RUFY2: variants seen among roughly 807,000 people sequenced by gnomAD.
RUFY2 encodes the protein RUN and FYVE domain-containing protein 2.
RUFY2 carries 49 observed loss-of-function variants against 94.4 expected under a neutral mutation model. The ratio of observed to expected loss-of-function variants is 0.52; its 90% CI spans 0.41 to 0.66. The LOEUF is 0.66. Ranked by LOEUF, RUFY2 falls within the 30% of genes least tolerant of loss-of-function variation. RUFY2 has a pLI of 0.00. For missense variants in RUFY2, 541 were observed against 692.8 expected, an observed-to-expected ratio of 0.78 and a Z score of 2.46; for synonymous variants, 255 against 235.7, an observed-to-expected ratio of 1.08 and a Z score of -0.75.
At chr10:68,402,526 T>C (rs552954687) in intron 2 of RUFY2, among the ~76,000 whole-genome samples, 1 of 152,218 alleles carries the variant, frequency 6.6e-6, no homozygotes, top group African/African-American at 2.4e-5. Flanking sequence ...TGCTAGGACA[T>C]GGTTCAACAT....
intron 16 of RUFY2, among the ~76,000 whole-genome samples, chr10:68,353,998 T>G (rs928329005): frequency 2.0e-5 from 3 of 151,800 alleles, no homozygotes; most frequent in Admixed American, 6.6e-5. Flanking sequence ...ATACTGAACA[T>G]TAGTTAGACA....
chr10:68,364,964 T>C (rs2047703304), intron 13 of RUFY2, among the ~76,000 whole-genome samples: 1 of 152,088 alleles, frequency 6.6e-6, no homozygotes, highest in Non-Finnish European at 1.5e-5. Flanking sequence ...TTATTGCTCA[T>C]AAGCAGGTAT....
chr10:68,366,191 C>G (rs938679256), intron 13 of RUFY2, among the ~76,000 whole-genome samples: 3 of 151,010 alleles, frequency 2.0e-5, no homozygotes, highest in African/African-American at 7.3e-5. Context: ...GCCGGGTGTG[C>G]TGGTGCCCAC....
intron 15 of RUFY2, among the ~76,000 whole-genome samples, chr10:68,361,555 A>T (rs1386408825): frequency 6.6e-6 from 1 of 152,224 alleles, no homozygotes; most frequent in Non-Finnish European, 1.5e-5. Context: ...CAATAAATGG[A>T]TGCCAGATTG....
At chr10:68,386,894 G>T (rs1304146201) in intron 7 of RUFY2, among the ~76,000 whole-genome samples, 2 of 152,052 alleles carry the variant, frequency 1.3e-5, no homozygotes, top group Non-Finnish European at 2.9e-5. Context: ...GTCAACCATG[G>T]TTTGAGAAAT....
Position 68,383,793 on chromosome 10 carries a change from C to T in RUFY2, c.939+5G>A. ...CTTGCTAATGTAATTTTTAATATAA[C>T]CTACCTGTCGTAACTGAGATTCATC... On this transcript the variant is annotated splice_donor_5th_base_variant and intron_variant, in intron 10 of 17. Coordinates refer to ENST00000602465, the MANE Select transcript of RUFY2 (RefSeq NM_001330103.2). 1 of 1,577,490 alleles carries T rather than the reference C, an allele frequency of 6.3e-7. No individual in the cohort carries two copies. The highest frequency in any genetic ancestry group is 1.1e-5 in the South Asian group (1 of 90,174).
At chr10:68,379,060 A>C in intron 12 of RUFY2, 1 of 269,098 alleles carries the variant, frequency 3.7e-6, no homozygotes, top group South Asian at 7.1e-5. Context: ...GTGAATGGCA[A>C]AGAATATGAC....
At chr10:68,376,334 G>A (rs1029371891) in intron 13 of RUFY2, among the ~76,000 whole-genome samples, 1 of 148,722 alleles carries the variant, frequency 6.7e-6, no homozygotes, top group African/African-American at 2.5e-5. Flanking sequence ...GGCTGAGGCA[G>A]GAGAATCGCT....
At chr10:68,377,390 G>C (rs1839451030) in intron 12 of RUFY2, 1 of 1,013,324 alleles carries the variant, frequency 9.9e-7, no homozygotes, top group African/African-American at 1.7e-5. Context: ...TGTTATGCTA[G>C]GATGTGTATG....
chr10:68,341,889 T>C (rs370749252), downstream of RUFY2: 3 of 1,590,914 alleles, frequency 1.9e-6, no homozygotes, highest in Non-Finnish European at 2.6e-6. Context: ...AGTCCGCATA[T>C]GTAGTGCAAA....
chr10:68,394,090 A>G lies in RUFY2; in HGVS notation c.569T>C (p.Ile190Thr), dbSNP rs773655729. The G allele has an allele frequency of 6.6e-7, 1 of 1,509,610 alleles. No homozygotes were observed. The highest frequency in any genetic ancestry group is 1.4e-5 in the African/African-American group (1 of 71,374). 93.5% of individuals were successfully genotyped at this position (1,509,610 alleles called of 1,614,324 possible). A position where few individuals can be genotyped will look rare whatever the true frequency, so the allele number is the denominator to read the frequency against. ...FSMYLKNEED[I>T]GNKERNVQIA... Reference sequence around the variant, plus strand: ...AAAATCATACCTTTCTTTATTTCCAATATCTTCTTCATTCTTTAAATACAT... The same window carrying G: ...AAAATCATACCTTTCTTTATTTCCAGTATCTTCTTCATTCTTTAAATACAT... Residue 190 changes from isoleucine to threonine, a missense_variant, in exon 6 of 18, where the codon ATT becomes ACT. Physicochemically the swap from Ile to Thr is moderately conservative, Grantham distance 89. Coordinates refer to ENST00000602465, the MANE Select transcript of RUFY2 (RefSeq NM_001330103.2).
chr10:68,353,341 A>G (rs2046825533), intron 16 of RUFY2, among the ~76,000 whole-genome samples: 1 of 150,942 alleles, frequency 6.6e-6, no homozygotes, highest in Non-Finnish European at 1.5e-5. Context: ...GAAAAAAAAA[A>G]AAAAAAATGA....
intron 2 of RUFY2, among the ~76,000 whole-genome samples, chr10:68,403,347 G>C (rs1001330961): frequency 6.6e-6 from 1 of 152,024 alleles, no homozygotes; most frequent in African/African-American, 2.4e-5. Context: ...CGCCTCCCAG[G>C]TTCAAACAAT....
At chr10:68,393,237 G>T in intron 6 of RUFY2, 34 bp from the exon 7 acceptor site, 1 of 1,216,300 alleles carries the variant, frequency 8.2e-7, no homozygotes, top group South Asian at 1.4e-5. Flanking sequence ...TGTGCTAGTT[G>T]AAAAGGTATT....
At chr10:68,342,082 G>C, downstream of RUFY2, 1 of 1,542,736 alleles carries the variant, frequency 6.5e-7, no homozygotes, top group Admixed American at 1.7e-5. Context: ...TACAAGTCTT[G>C]ACAACAGCAT....
intron 8 of RUFY2, among the ~76,000 whole-genome samples, chr10:68,385,064 T>A (rs567349366): frequency 1.3e-5 from 2 of 152,010 alleles, no homozygotes; most frequent in Non-Finnish European, 2.9e-5. Context: ...GAGTTTGAGA[T>A]CAGCCTGACC....
downstream of RUFY2, chr10:68,341,152 A>AT (rs1306340570): frequency 3.3e-6 from 5 of 1,504,888 alleles, no homozygotes; most frequent in African/African-American, 7.1e-5. Context: ...AGAAAAGTAA[A>AT]TAAGTGTTTC....
chr10:68,345,993 C>T lies in RUFY2; in HGVS notation c.1677+14G>A, dbSNP rs549019071. 5 of 1,612,840 alleles carry T rather than the reference C, an allele frequency of 3.1e-6. No homozygotes were observed. In the South Asian group the frequency reaches 5.5e-5, roughly 18 times the overall value. On this transcript the variant is annotated intron_variant, in intron 17 of 17. Transcript: ENST00000602465. Reference sequence around the variant, plus strand: ...GCACTCCAAATTTTTGGACTCACTTCTTATCTCCCTTACCTTTCTCTTAGA... The same window carrying T: ...GCACTCCAAATTTTTGGACTCACTTTTTATCTCCCTTACCTTTCTCTTAGA...
intron 7 of RUFY2, among the ~76,000 whole-genome samples, chr10:68,390,999 A>G (rs1373656370): frequency 1.4e-5 from 2 of 142,522 alleles, no homozygotes; most frequent in African/African-American, 5.3e-5. Context: ...CAATGGCGTG[A>G]TCTCGGCTCA....
Sources: gnomAD v4.1 joint callset for allele counts (sites outside exome capture counted in the v4.1 genomes callset) on GRCh38, gnomAD v4.1.1 for gene constraint, MANE v1.5 for transcripts, NCBI Gene and HGNC (gene_info 2026-07-23, HGNC 2026-07-21) for gene names.